The following NRXN1 variants were observed in gnomAD, a reference collection of about 807,000 sequenced individuals.
NRXN1 encodes neurexin 1.
A neutral mutation model predicts 150.9 loss-of-function variants in NRXN1; 39 were observed. That is an observed-to-expected ratio of 0.26 (90% CI 0.20 to 0.34). NRXN1 has a LOEUF of 0.34. Ranked by LOEUF, NRXN1 falls within the 10% of genes least tolerant of loss-of-function variation. The pLI, the probability that NRXN1 is intolerant of heterozygous loss-of-function variation, is 1.00. For synonymous variants in NRXN1, 924 were observed against 757.0 expected (o/e 1.22, Z -3.62); for missense variants, 1,815 against 1,949.9 (o/e 0.93, Z 1.30).
chr2:50,975,265 T>G (rs1289438788), intron 2 of NRXN1, among the ~76,000 whole-genome samples: 1 of 152,086 alleles, frequency 6.6e-6, no homozygotes, highest in Non-Finnish European at 1.5e-5. Context: ...CATAACCATA[T>G]AAACAAAAAC....
intron 17 of NRXN1, among the ~76,000 whole-genome samples, chr2:50,390,179 A>T: frequency 6.6e-6 from 1 of 152,158 alleles, no homozygotes; most frequent in Non-Finnish European, 1.5e-5. Flanking sequence ...ATTTCATGTA[A>T]GCTAATAAGT....
At chr2:50,195,683 T>C (rs990848623) in intron 18 of NRXN1, among the ~76,000 whole-genome samples, 21 of 152,142 alleles carry the variant, frequency 1.4e-4, no homozygotes, top group African/African-American at 5.1e-4. Flanking sequence ...TCTTATCTTT[T>C]TGTATAGACT....
intron 17 of NRXN1, among the ~76,000 whole-genome samples, chr2:50,434,031 G>C (rs906775885): frequency 6.9e-6 from 1 of 145,174 alleles, no homozygotes; most frequent in East Asian, 2.1e-4. Flanking sequence ...CCTTGCTTCC[G>C]GTATCTAAGC....
At chr2:50,476,182 T>G (rs2089971900) in intron 15 of NRXN1, among the ~76,000 whole-genome samples, 1 of 151,980 alleles carries the variant, frequency 6.6e-6, no homozygotes, top group South Asian at 2.1e-4. Flanking sequence ...AAGGGGTGAG[T>G]TTCTTAAAAT....
At chr2:50,240,269 C>G (rs182990029) in intron 17 of NRXN1, among the ~76,000 whole-genome samples, 1 of 151,644 alleles carries the variant, frequency 6.6e-6, no homozygotes, top group Admixed American at 6.6e-5. Context: ...TTTTTCCCAC[C>G]AGATATATCC....
chr2:50,991,417 G>A (rs768856963), intron 2 of NRXN1, among the ~76,000 whole-genome samples: 13 of 152,000 alleles, frequency 8.6e-5, no homozygotes, highest in Non-Finnish European at 1.2e-4. Context: ...ATGATGGAGA[G>A]CTGGTTTTAG....
Position 50,654,194 on chromosome 2 carries a change from C to A in NRXN1, c.833-30579G>T, listed in dbSNP as rs1433802701. On this transcript the variant is annotated intron_variant, in intron 5 of 22. Transcript: ENST00000401669. ...ATCCCTCCCCCCTCCCCCCACCCCACAACAGGCCCCAGTGTGATGTTCCCC... is the reference window on the plus strand; with the variant it reads ...ATCCCTCCCCCCTCCCCCCACCCCAAAACAGGCCCCAGTGTGATGTTCCCC... Among the ~76,000 whole-genome samples the A allele has an allele frequency of 4.3e-5, 2 of 46,472 alleles. 1 individual carries two copies. Among genetic ancestry groups the A allele is most frequent in the Non-Finnish European group, 8.5e-5 (2 of 23,530 alleles). The allele number at this position is 46,472 out of a possible 152,430, so 30.5% of individuals were successfully genotyped here. A position where few individuals can be genotyped will look rare whatever the true frequency, so the allele number is the denominator to read the frequency against.
chr2:50,812,604 GTAGA>G (rs1480097049), intron 5 of NRXN1, among the ~76,000 whole-genome samples: 1 of 151,626 alleles, frequency 6.6e-6, no homozygotes, highest in Non-Finnish European at 1.5e-5. Context: ...TTTAATTTGG[GTAGA>G]TAAATAGATA....
intron 5 of NRXN1, among the ~76,000 whole-genome samples, chr2:50,624,557 GA>G (rs1680653338): frequency 6.6e-6 from 1 of 151,950 alleles, no homozygotes; most frequent in South Asian, 2.1e-4. Context: ...AGGAGAAAGG[GA>G]AGAAAAAAAG....
At chr2:50,806,334 C>T (rs1667506517) in intron 5 of NRXN1, among the ~76,000 whole-genome samples, 1 of 152,136 alleles carries the variant, frequency 6.6e-6, no homozygotes, top group African/African-American at 2.4e-5. Context: ...ATCAATGACT[C>T]ATAATGTATA....
At chr2:50,422,356 A>T (rs563295718) in intron 17 of NRXN1, among the ~76,000 whole-genome samples, 2 of 152,296 alleles carry the variant, frequency 1.3e-5, no homozygotes, top group East Asian at 3.9e-4. Context: ...AATAAGGACA[A>T]TGTATTACCA....
At chr2:50,880,735 G>A (rs1427710483) in intron 5 of NRXN1, among the ~76,000 whole-genome samples, 4 of 151,958 alleles carry the variant, frequency 2.6e-5, no homozygotes, top group African/African-American at 2.4e-5. Flanking sequence ...AATGGAGTTT[G>A]ACTGTGAACA....
intron 21 of NRXN1, chr2:49,969,970 C>G (rs537010767): frequency 6.6e-6 from 1 of 151,942 alleles, no homozygotes; most frequent in Non-Finnish European, 1.5e-5. Context: ...AATAAAAAAG[C>G]AGGGGGAACA....
intron 5 of NRXN1, among the ~76,000 whole-genome samples, chr2:50,647,392 T>C (rs988660911): frequency 1.3e-5 from 2 of 151,900 alleles, no homozygotes; most frequent in African/African-American, 4.8e-5. Flanking sequence ...ATGAAAACTA[T>C]CTATGGAACT....
intron 18 of NRXN1, among the ~76,000 whole-genome samples, chr2:50,109,029 T>C (rs929775905): frequency 1.3e-5 from 2 of 152,152 alleles, no homozygotes; most frequent in Non-Finnish European, 2.9e-5. Context: ...GCAAAGATAT[T>C]GAGCAAAATG....
At chr2:50,366,449 A>G (rs2079590304) in intron 17 of NRXN1, among the ~76,000 whole-genome samples, 1 of 151,774 alleles carries the variant, frequency 6.6e-6, no homozygotes. Flanking sequence ...TGACAGAGTA[A>G]TTCTAGTTTA....
chr2:49,966,560 C>A (rs550934246), intron 21 of NRXN1: 1 of 151,078 alleles, frequency 6.6e-6, no homozygotes, highest in South Asian at 2.1e-4. Context: ...ACTCTAAAAT[C>A]ATGAAATGTT....
intron 5 of NRXN1, among the ~76,000 whole-genome samples, chr2:50,863,155 C>T (rs1410511767): frequency 6.6e-6 from 1 of 151,966 alleles, no homozygotes; most frequent in Non-Finnish European, 1.5e-5. Flanking sequence ...GAAAGTTACA[C>T]TAACAGCTTA....
Position 50,145,297 on chromosome 2 carries a change from A to G in NRXN1, c.3547-53803T>C, listed in dbSNP as rs1049050774. Among the ~76,000 whole-genome samples, 7 of 133,978 alleles carry G rather than the reference A, an allele frequency of 5.2e-5. No individual in the cohort carries two copies. The South Asian group carries it at 1.4e-3, about 26-fold the overall frequency. The allele number at this position is 133,978 out of a possible 152,430, so 87.9% of individuals were successfully genotyped here. A position where few individuals can be genotyped will look rare whatever the true frequency, so the allele number is the denominator to read the frequency against. Reference sequence around the variant, plus strand: ...ATTTTTTTCTCTCTCTGTCCACACAAATACACACACACACACAGAAATTGT... The same window carrying G: ...ATTTTTTTCTCTCTCTGTCCACACAGATACACACACACACACAGAAATTGT... On this transcript the variant is annotated intron_variant, in intron 18 of 22. Coordinates refer to ENST00000401669, the MANE Select transcript of NRXN1 (RefSeq NM_001330078.2).
Sources: gnomAD v4.1 joint callset for allele counts (sites outside exome capture counted in the v4.1 genomes callset) on GRCh38, gnomAD v4.1.1 for gene constraint, MANE v1.5 for transcripts, NCBI Gene and HGNC (gene_info 2026-07-23, HGNC 2026-07-21) for gene names.